Variants in RUFY2 observed in about 807,000 individuals in gnomAD.
The protein encoded by RUFY2 is RUN and FYVE domain-containing protein 2.
Under a neutral mutation model 94.4 loss-of-function variants are expected in RUFY2, and 49 were observed. The observed-to-expected ratio is 0.52, with a 90% confidence interval of 0.41 to 0.66. The LOEUF (loss-of-function observed/expected upper bound fraction) is 0.66. Among genes scored for constraint, RUFY2 ranks in the 30% least tolerant of loss-of-function variants. The pLI, the probability that RUFY2 is intolerant of heterozygous loss-of-function variation, is 0.00. For synonymous variants in RUFY2, 255 were observed against 235.7 expected, an observed-to-expected ratio of 1.08 and a Z score of -0.75; for missense variants, 541 against 692.8, an observed-to-expected ratio of 0.78 and a Z score of 2.46.
intron 3 of RUFY2, 63 bp from the exon 4 acceptor site, chr10:68,396,944 T>C: frequency 3.7e-6 from 4 of 1,067,906 alleles, no homozygotes; most frequent in Non-Finnish European, 5.6e-6. Flanking sequence ...CTTCTGTCTC[T>C]AGAGGTAAAC....
intron 13 of RUFY2, among the ~76,000 whole-genome samples, chr10:68,365,779 CTCAG>C (rs374263825): frequency 3.8e-4 from 58 of 151,650 alleles, no homozygotes; most frequent in African/African-American, 1.1e-3. Context: ...CATCATTTCA[CTCAG>C]TCAGAGTTTC....
intron 7 of RUFY2, among the ~76,000 whole-genome samples, chr10:68,388,829 C>T (rs2049739644): frequency 7.2e-6 from 1 of 137,998 alleles, no homozygotes; most frequent in Admixed American, 7.4e-5. Flanking sequence ...ACCATGAGAA[C>T]CCTGTCTCAA....
intron 6 of RUFY2, 30 bp from the exon 7 acceptor site, chr10:68,393,233 AG>A: frequency 7.8e-7 from 1 of 1,278,446 alleles, no homozygotes; most frequent in Non-Finnish European, 1.1e-6. Flanking sequence ...GCTTTGTGCT[AG>A]TTGAAAAGGT....
chr10:68,360,342 T>G (rs541869589), intron 15 of RUFY2, among the ~76,000 whole-genome samples: 1 of 152,022 alleles, frequency 6.6e-6, no homozygotes, highest in Non-Finnish European at 1.5e-5. Flanking sequence ...ACACCTGTAA[T>G]GTCAATATTT....
At chr10:68,368,910 C>T (rs775376859) in intron 13 of RUFY2, among the ~76,000 whole-genome samples, 41 of 152,162 alleles carry the variant, frequency 2.7e-4, no homozygotes, top group Non-Finnish European at 5.3e-4. Context: ...ACAGAAAACT[C>T]TGGACAATAA....
intron 10 of RUFY2, among the ~76,000 whole-genome samples, chr10:68,382,378 A>C (rs915704468): frequency 6.6e-6 from 1 of 151,714 alleles, no homozygotes; most frequent in Admixed American, 6.6e-5. Context: ...TTTCTTAAGA[A>C]TTTTTTATCA....
intron 10 of RUFY2, among the ~76,000 whole-genome samples, chr10:68,382,050 C>CA (rs1554887800): frequency 1.9e-4 from 26 of 139,156 alleles, no homozygotes; most frequent in Non-Finnish European, 2.9e-4. Context: ...GTTTAATTTC[C>CA]TTTTTTTTTT....
intron 15 of RUFY2, among the ~76,000 whole-genome samples, chr10:68,361,720 T>A (rs1470510165): frequency 1.3e-5 from 2 of 152,244 alleles, no homozygotes; most frequent in African/African-American, 4.8e-5. Context: ...TTGCATTATC[T>A]CTTAATGGAA....
At chr10:68,397,868 C>T (rs1045599245) in intron 3 of RUFY2, among the ~76,000 whole-genome samples, 8 of 152,016 alleles carry the variant, frequency 5.3e-5, no homozygotes, top group Non-Finnish European at 1.2e-4. Context: ...GTGGCTTACA[C>T]CTGTAATCCC....
chr10:68,343,179 T>A (rs1162756), downstream of RUFY2: 141,330 of 152,276 alleles, frequency 0.93, 65,788 homozygotes, highest in East Asian at 1. Context: ...ATAAATGTCA[T>A]TGTGGGAGAT....
chr10:68,397,728 T>A (rs983692429), intron 3 of RUFY2, among the ~76,000 whole-genome samples: 1 of 150,970 alleles, frequency 6.6e-6, no homozygotes, highest in African/African-American at 2.4e-5. Context: ...CAGTGAACAG[T>A]GATTGCATCA....
At chr10:68,387,781 G>A (rs1297061361) in intron 7 of RUFY2, among the ~76,000 whole-genome samples, 1 of 126,160 alleles carries the variant, frequency 7.9e-6, no homozygotes, top group Non-Finnish European at 1.7e-5. Flanking sequence ...GAGGCGGGCA[G>A]ATCACAAGGT....
At chr10:68,381,847 C>CA (rs1405798639) in intron 10 of RUFY2, among the ~76,000 whole-genome samples, 1 of 152,126 alleles carries the variant, frequency 6.6e-6, no homozygotes, top group African/African-American at 2.4e-5. Flanking sequence ...GACTCTGTCT[C>CA]AAAAAGTAAG....
chr10:68,400,789 G>A (rs2050775855), intron 3 of RUFY2, among the ~76,000 whole-genome samples: 1 of 152,030 alleles, frequency 6.6e-6, no homozygotes, highest in South Asian at 2.1e-4. Context: ...GAGGCAGGCG[G>A]ATCACGAGGT....
rs1287046899 is a variant in RUFY2, at chr10:68,344,741, G to C, written c.*1027C>G. On this transcript the variant is annotated 3_prime_UTR_variant, in exon 18 of 18. Coordinates refer to ENST00000602465, the MANE Select transcript of RUFY2 (RefSeq NM_001330103.2). ...TCATCATCTCAACACCCTTGGCATAGAGGTGCTCAATGGACATGGTGAAAT... is the reference window on the plus strand; with the variant it reads ...TCATCATCTCAACACCCTTGGCATACAGGTGCTCAATGGACATGGTGAAAT... 1 of 152,206 alleles carries C rather than the reference G, an allele frequency of 6.6e-6. No individual in the cohort carries two copies. The highest frequency in any genetic ancestry group is 1.9e-4 in the East Asian group (1 of 5,200). 9.4% of individuals were successfully genotyped at this position (152,206 alleles called of 1,614,324 possible). A position where few individuals can be genotyped will look rare whatever the true frequency, so the allele number is the denominator to read the frequency against.
chr10:68,368,678 G>C (rs188686925), intron 13 of RUFY2, among the ~76,000 whole-genome samples: 1 of 152,006 alleles, frequency 6.6e-6, no homozygotes, highest in Non-Finnish European at 1.5e-5. Flanking sequence ...AACAACAAGA[G>C]AAGACTCCAG....
chr10:68,374,461 AG>A (rs1473700966), intron 13 of RUFY2, among the ~76,000 whole-genome samples: 1 of 152,240 alleles, frequency 6.6e-6, no homozygotes, highest in Non-Finnish European at 1.5e-5. Flanking sequence ...CAACCTACCA[AG>A]AAGACATATT....
chr10:68,350,369 TAACA>T (rs2046579510), intron 16 of RUFY2, among the ~76,000 whole-genome samples: 1 of 152,106 alleles, frequency 6.6e-6, no homozygotes, highest in Admixed American at 6.6e-5. Flanking sequence ...AGGAACAAGT[TAACA>T]AACACTGCAA....
chr10:68,385,913 C>T, intron 8 of RUFY2, 146 bp downstream of exon 8: 2 of 436,394 alleles, frequency 4.6e-6, no homozygotes, highest in Non-Finnish European at 8.1e-6. Context: ...AACTTATAAT[C>T]ATCAGTTACG....
Sources: gnomAD v4.1 joint callset for allele counts (sites outside exome capture counted in the v4.1 genomes callset) on GRCh38, gnomAD v4.1.1 for gene constraint, MANE v1.5 for transcripts, NCBI Gene and HGNC (gene_info 2026-07-23, HGNC 2026-07-21) for gene names.